The following SELENOT variants were observed in gnomAD, a reference collection of about 807,000 sequenced individuals.
SELENOT encodes selenoprotein T, also known as thioredoxin reductase-like selenoprotein T.
A neutral mutation model predicts 24.3 loss-of-function variants in SELENOT; 9 were observed. The ratio of observed to expected loss-of-function variants is 0.37; its 90% confidence interval spans 0.22 to 0.65. SELENOT has a LOEUF of 0.65. Among genes scored for constraint, SELENOT ranks in the 30% least tolerant of loss-of-function variants. SELENOT has a pLI of 0.60. For synonymous variants in SELENOT, 81 were observed against 86.0 expected, an observed-to-expected ratio of 0.94 and a Z score of 0.32; for missense variants, 166 against 247.6, an observed-to-expected ratio of 0.67 and a Z score of 2.21.
At chr3:150,612,154 C>T (rs1373489337) in intron 1 of SELENOT, among the ~76,000 whole-genome samples, 1 of 151,514 alleles carries the variant, frequency 6.6e-6, no homozygotes, top group Non-Finnish European at 1.5e-5. Flanking sequence ...AGTGCGGTGG[C>T]GCAATCTTGG....
intron 1 of SELENOT, among the ~76,000 whole-genome samples, chr3:150,621,513 A>G (rs1394565637): frequency 6.6e-6 from 1 of 151,020 alleles, no homozygotes; most frequent in East Asian, 1.9e-4. Context: ...AATTTAGTGA[A>G]CTTTAGTGTT....
Position 150,629,589 on chromosome 3 carries a change from A to G in SELENOT, c.*1960A>G, listed in dbSNP as rs1726513578. ...TGTGGACCTGACAGTTAAAAATATA[A>G]AGAACCTAGGATTCAATTCCAACTT... On this transcript the variant is annotated 3_prime_UTR_variant, in exon 6 of 6. Transcript: ENST00000471696. 6.6e-6 allele frequency: 1 copy of G among 152,646 alleles called. No homozygotes were observed. Among genetic ancestry groups the G allele is most frequent in the Non-Finnish European group, 1.5e-5 (1 of 68,048 alleles). The allele number at this position is 152,646 out of a possible 1,614,324, so 9.5% of individuals were successfully genotyped here.
At chr3:150,618,251 G>C (rs1415918378) in intron 1 of SELENOT, among the ~76,000 whole-genome samples, 3 of 152,210 alleles carry the variant, frequency 2.0e-5, no homozygotes, top group Non-Finnish European at 4.4e-5. Context: ...CTATGACAAG[G>C]AATTAGGCCT....
At chr3:150,603,528 C>A in intron 1 of SELENOT, 29 bp downstream of exon 1, 1 of 1,552,938 alleles carries the variant, frequency 6.4e-7, no homozygotes. Context: ...CCCCGGCCAC[C>A]CCGCCGCGCC....
chr3:150,610,381 CTG>C (rs1726061202), intron 1 of SELENOT, among the ~76,000 whole-genome samples: 1 of 152,196 alleles, frequency 6.6e-6, no homozygotes, highest in Non-Finnish European at 1.5e-5. Flanking sequence ...CAGGATGGCA[CTG>C]TGTTTGGTTT....
intron 1 of SELENOT, among the ~76,000 whole-genome samples, chr3:150,608,767 A>G (rs1726024971): frequency 6.6e-6 from 1 of 152,244 alleles, no homozygotes; most frequent in Non-Finnish European, 1.5e-5. Context: ...CTCCTTGCAC[A>G]TAATAGTTGT....
At chr3:150,607,899 G>A (rs561706484) in intron 1 of SELENOT, among the ~76,000 whole-genome samples, 6 of 152,290 alleles carry the variant, frequency 3.9e-5, no homozygotes, top group African/African-American at 1.4e-4. Context: ...CATTCCAGGA[G>A]ACAAAGAATT....
At chr3:150,607,555 C>T (rs1400754370) in intron 1 of SELENOT, among the ~76,000 whole-genome samples, 1 of 152,164 alleles carries the variant, frequency 6.6e-6, no homozygotes, top group Non-Finnish European at 1.5e-5. Flanking sequence ...AGACATTAAT[C>T]CATGGACTGA....
chr3:150,625,145 A>T (rs1474099571), intron 4 of SELENOT, among the ~76,000 whole-genome samples: 4 of 151,298 alleles, frequency 2.6e-5, no homozygotes, highest in African/African-American at 9.7e-5. Flanking sequence ...TTCCTTGAGG[A>T]GTTGGCCCTA....
chr3:150,626,743 A>AGG (rs1235426077), intron 4 of SELENOT, among the ~76,000 whole-genome samples: 1 of 152,204 alleles, frequency 6.6e-6, no homozygotes. Flanking sequence ...CTGACTAGAC[A>AGG]GGGAGAGCCT....
chr3:150,608,478 T>C (rs959384415), intron 1 of SELENOT, among the ~76,000 whole-genome samples: 3 of 152,160 alleles, frequency 2.0e-5, no homozygotes, highest in African/African-American at 7.2e-5. Flanking sequence ...ATAGAGATGC[T>C]ACATGTAGCC....
At position 150,623,822 on chromosome 3, in the gene SELENOT, G is replaced by A. The variant is rs375810027; in HGVS notation, c.375+653G>A. On this transcript the variant is annotated intron_variant, in intron 3 of 5. Coordinates refer to ENST00000471696, the MANE Select transcript of SELENOT (RefSeq NM_016275.5). ...AAAATGATTTTAATCATTGTTTCTGGAGGGCTTACTGTCCTGTCTAAAATG... is the reference window on the plus strand; with the variant it reads ...AAAATGATTTTAATCATTGTTTCTGAAGGGCTTACTGTCCTGTCTAAAATG... 4.0e-5 allele frequency among the ~76,000 whole-genome samples: 6 copies of A among 151,828 alleles called. No individual in the cohort carries two copies. In the East Asian group the frequency reaches 9.7e-4, roughly 25 times the overall value.
rs1346115175 is a variant in SELENOT at position 150,603,360 on chromosome 3, A to G, written c.-3A>G. 6.2e-7 allele frequency: 1 copy of G among 1,610,608 alleles called. No individual in the cohort carries two copies. Among genetic ancestry groups the G allele is most frequent in the Non-Finnish European group, 8.5e-7 (1 of 1,177,720 alleles). On this transcript the variant is annotated 5_prime_UTR_variant, in exon 1 of 6. Transcript: ENST00000471696. ...GGCGGCCGAAGTGGCTGGCTCATTTAAGATGAGGCTTCTGCTGCTTCTCCT... is the reference window on the plus strand; with the variant it reads ...GGCGGCCGAAGTGGCTGGCTCATTTGAGATGAGGCTTCTGCTGCTTCTCCT...
intron 1 of SELENOT, among the ~76,000 whole-genome samples, chr3:150,610,914 G>A (rs1726070078): frequency 6.6e-6 from 1 of 151,858 alleles, no homozygotes; most frequent in African/African-American, 2.4e-5. Flanking sequence ...CAGGTTAATG[G>A]ACTTGACCAT....
In SELENOT at chr3:150,603,508, G is replaced by A; in HGVS notation, c.137+9G>A. 1 of 1,585,452 alleles carries A rather than the reference G, an allele frequency of 6.3e-7. No individual in the cohort carries two copies. The highest frequency in any genetic ancestry group is 1.1e-5 in the South Asian group (1 of 89,634). ...CTCAAGTTCCAGATTTGGTGAGTAT[G>A]TGCACTGGGCCCCGGCCACCCCGCC... On this transcript the variant is annotated intron_variant, in intron 1 of 5. Transcript: ENST00000471696.
chr3:150,622,545 A>C (rs2108013744), intron 2 of SELENOT, 50 bp downstream of exon 2: 1 of 922,722 alleles, frequency 1.1e-6, no homozygotes, highest in South Asian at 2.3e-5. Context: ...TGACTTTATA[A>C]GTGTTTGTGA....
At chr3:150,619,684 C>T (rs1726297564) in intron 1 of SELENOT, among the ~76,000 whole-genome samples, 1 of 152,070 alleles carries the variant, frequency 6.6e-6, no homozygotes, top group Non-Finnish European at 1.5e-5. Flanking sequence ...AACTCATTGA[C>T]CCAAAAAGAG....
Position 150,623,094 on chromosome 3 carries a change from A to C in SELENOT, c.300A>C (p.Ile100=). The C allele has an allele frequency of 6.2e-7, 1 of 1,605,822 alleles. No homozygotes were observed. Among genetic ancestry groups the C allele is most frequent in the Non-Finnish European group, 8.5e-7 (1 of 1,176,534 alleles). ...TCAAACTAGTATTAATAGGCTTAAT[A>C]ATTGTTGGCAAGGATCCTTTTGCTT... is the stretch of plus-strand genomic sequence containing the variant. ...SVFKLVLIGL[I]IVGKDPFAFF... The change falls in exon 3 of 6, where the codon ATA becomes ATC. Residue 100 remains isoleucine, a synonymous_variant. Transcript: ENST00000471696.
At chr3:150,615,434 T>C (rs1267338006) in intron 1 of SELENOT, among the ~76,000 whole-genome samples, 1 of 151,838 alleles carries the variant, frequency 6.6e-6, no homozygotes, top group Non-Finnish European at 1.5e-5. Flanking sequence ...CCCTGAGGAA[T>C]CGCCACACTG....
Sources: allele counts gnomAD v4.1 joint callset (sites outside exome capture counted in the v4.1 genomes callset), GRCh38; gene constraint gnomAD v4.1.1; transcripts MANE v1.5; gene names NCBI Gene and HGNC (gene_info 2026-07-23, HGNC 2026-07-21).